ZFHX3: variants seen among roughly 807,000 people sequenced by gnomAD.
ZFHX3 encodes the protein zinc finger homeobox 3.
In ZFHX3, 42 loss-of-function variants were observed where a neutral mutation model predicts 279.1. The ratio of observed to expected loss-of-function variants is 0.15; its 90% CI spans 0.12 to 0.19. ZFHX3 has a LOEUF of 0.19. ZFHX3 is among the 10% of genes least tolerant of loss of function. The pLI, the probability that ZFHX3 is intolerant of heterozygous loss-of-function variation, is 1.00. For missense variants in ZFHX3, 4,981 were observed against 4,754.0 expected, an observed-to-expected ratio of 1.05 and a Z score of -1.40; for synonymous variants, 2,293 against 1,957.8, an observed-to-expected ratio of 1.17 and a Z score of -4.52.
At chr16:73,824,252 T>C (rs533449596) in intron 1 of ZFHX3, among the ~76,000 whole-genome samples, 5 of 152,280 alleles carry the variant, frequency 3.3e-5, no homozygotes, top group African/African-American at 9.6e-5. Flanking sequence ...TCCAAAGTCA[T>C]CTTATCAGGA....
intron 2 of ZFHX3, among the ~76,000 whole-genome samples, chr16:73,593,367 T>A (rs2143846873): frequency 6.6e-6 from 1 of 152,284 alleles, no homozygotes; most frequent in Non-Finnish European, 1.5e-5. Context: ...TATAAATTTC[T>A]AACTCAAGGA....
intron 4 of ZFHX3, among the ~76,000 whole-genome samples, chr16:72,887,590 A>T (rs1186577832): frequency 6.9e-6 from 1 of 145,956 alleles, no homozygotes; most frequent in South Asian, 2.2e-4. Flanking sequence ...GTGCCTGTGT[A>T]TTTGTGGGTA....
intron 5 of ZFHX3, among the ~76,000 whole-genome samples, chr16:73,242,766 A>G (rs1396412746): frequency 6.6e-6 from 1 of 152,230 alleles, no homozygotes; most frequent in East Asian, 1.9e-4. Context: ...GTTAATTTCC[A>G]ACAAGCCTGT....
intron 3 of ZFHX3, among the ~76,000 whole-genome samples, chr16:73,448,247 A>C (rs1355668629): frequency 6.6e-6 from 1 of 152,224 alleles, no homozygotes; most frequent in Non-Finnish European, 1.5e-5. Flanking sequence ...GGTATACAAA[A>C]GAGATGAAAC....
intron 3 of ZFHX3, among the ~76,000 whole-genome samples, chr16:73,368,909 C>T (rs2016575421): frequency 6.6e-6 from 1 of 152,160 alleles, no homozygotes; most frequent in Non-Finnish European, 1.5e-5. Flanking sequence ...CCTAAGGTCA[C>T]ACAGCTGATA....
At chr16:73,883,955 T>C (rs2030263119) in intron 1 of ZFHX3, among the ~76,000 whole-genome samples, 1 of 152,126 alleles carries the variant, frequency 6.6e-6, no homozygotes, top group Non-Finnish European at 1.5e-5. Context: ...TTATTTGAGA[T>C]TCTTATCTAA....
At chr16:73,431,314 C>T (rs1298271058) in intron 3 of ZFHX3, among the ~76,000 whole-genome samples, 2 of 151,752 alleles carry the variant, frequency 1.3e-5, no homozygotes, top group South Asian at 2.1e-4. Context: ...CTGAGGCGGG[C>T]GGATCACCTG....
chr16:73,407,761 G>A (rs2143450882), intron 3 of ZFHX3, among the ~76,000 whole-genome samples: 1 of 152,368 alleles, frequency 6.6e-6, no homozygotes, highest in African/African-American at 2.4e-5. Flanking sequence ...AGCACAGAGT[G>A]AAATAAAGAG....
chr16:72,991,055 G>A (rs1311268025), intron 1 of ZFHX3, among the ~76,000 whole-genome samples: 10 of 145,276 alleles, frequency 6.9e-5, no homozygotes, highest in Non-Finnish European at 1.4e-4. Flanking sequence ...AGCATAGTAT[G>A]TACTGTATAG....
chr16:72,898,386 C>G (rs2038950199), intron 3 of ZFHX3, among the ~76,000 whole-genome samples: 1 of 152,244 alleles, frequency 6.6e-6, no homozygotes, highest in Admixed American at 6.5e-5. Flanking sequence ...ATTGCTCACT[C>G]TCCGTATCCA....
chr16:73,204,971 A>C lies in ZFHX3; in HGVS notation c.-1104+52076T>G, dbSNP rs577392558. On this transcript the variant is annotated intron_variant, in intron 5 of 17. Transcript: ENST00000641206. ...AACCATTAACTTACAAGGGAGCCTA[A>C]TCTTACTACTACTAAATTGTTTTAT... 1.2e-4 allele frequency among the ~76,000 whole-genome samples: 18 copies of C among 152,294 alleles called. No individual in the cohort carries two copies. The East Asian group carries it at 3.5e-3, about 29-fold the overall frequency.
intron 2 of ZFHX3, among the ~76,000 whole-genome samples, chr16:73,534,820 C>A (rs1185509405): frequency 6.6e-6 from 1 of 152,108 alleles, no homozygotes; most frequent in African/African-American, 2.4e-5. Flanking sequence ...AATGAATAAT[C>A]ACCAGGATAT....
intron 1 of ZFHX3, among the ~76,000 whole-genome samples, chr16:73,762,613 T>C (rs1476968395): frequency 1.3e-5 from 2 of 152,218 alleles, no homozygotes; most frequent in Non-Finnish European, 2.9e-5. Flanking sequence ...AAAGAAAATG[T>C]AGTACATATA....
Position 73,778,578 on chromosome 16 carries a change from A to G in ZFHX3, c.-1607-98338T>C, listed in dbSNP as rs540796268. ...TTTTCCAAAGTCAGACTTAGGAAAA[A>G]TCCTAATAGGTGAGACCTACCACTG... On this transcript the variant is annotated intron_variant, in intron 1 of 17. Coordinates refer to the ZFHX3 transcript ENST00000641206. Among the ~76,000 whole-genome samples, 6 of 152,322 alleles carry G rather than the reference A, an allele frequency of 3.9e-5. No individual in the cohort carries two copies. The East Asian group carries it at 1.2e-3, about 29-fold the overall frequency.
chr16:73,377,162 C>G (rs7200556), intron 3 of ZFHX3, among the ~76,000 whole-genome samples: 34,706 of 151,754 alleles, frequency 0.23, 5,944 homozygotes, highest in African/African-American at 0.49. Context: ...AGTAGAGACA[C>G]GGTTTCACCA....
chr16:73,795,093 G>A (rs773740217), intron 1 of ZFHX3, among the ~76,000 whole-genome samples: 4 of 152,144 alleles, frequency 2.6e-5, no homozygotes, highest in Non-Finnish European at 5.9e-5. Flanking sequence ...ACTTCAAACT[G>A]ACTCCTCTCA....
chr16:73,279,488 T>A (rs193290788), intron 4 of ZFHX3, among the ~76,000 whole-genome samples: 1 of 152,262 alleles, frequency 6.6e-6, no homozygotes, highest in Admixed American at 6.5e-5. Context: ...AAAATAATTT[T>A]AAGACAAAGG....
intron 4 of ZFHX3, among the ~76,000 whole-genome samples, chr16:72,889,517 AGAAAG>A (rs934921911): frequency 1.3e-5 from 2 of 151,814 alleles, no homozygotes; most frequent in Non-Finnish European, 2.9e-5. Flanking sequence ...AAGAAGAAGA[AGAAAG>A]AAAAGAAAAG....
intron 1 of ZFHX3, among the ~76,000 whole-genome samples, chr16:73,013,868 C>G (rs1016075045): frequency 6.6e-6 from 1 of 152,110 alleles, no homozygotes; most frequent in African/African-American, 2.4e-5. Flanking sequence ...TCCACAGGAC[C>G]GTGCAGTAGC....
Sources: gnomAD v4.1 joint callset for allele counts (sites outside exome capture counted in the v4.1 genomes callset) on GRCh38, gnomAD v4.1.1 for gene constraint, MANE v1.5 for transcripts, NCBI Gene and HGNC (gene_info 2026-07-23, HGNC 2026-07-21) for gene names.